ANKRD27: variants seen among roughly 807,000 people sequenced by gnomAD.
The protein encoded by ANKRD27 is ankyrin repeat domain-containing protein 27.
In ANKRD27, 112 loss-of-function variants were observed where a neutral mutation model predicts 129.7. That is an observed-to-expected ratio of 0.86 (90% confidence interval 0.74 to 1.01). The LOEUF is 1.01. ANKRD27 is among the 50% of genes least tolerant of loss of function. The pLI, the probability that ANKRD27 is intolerant of heterozygous loss-of-function variation, is 0.00. For missense variants in ANKRD27, 1,258 were observed against 1,300.5 expected, an observed-to-expected ratio of 0.97 and a Z score of 0.50; for synonymous variants, 516 against 511.2, an observed-to-expected ratio of 1.01 and a Z score of -0.13.
At chr19:32,626,093 A>T in intron 16 of ANKRD27, 127 bp from the exon 17 acceptor site, 1 of 623,714 alleles carries the variant, frequency 1.6e-6, no homozygotes, top group East Asian at 3.2e-5. Context: ...ATTCAAATTA[A>T]ACCAACACCC....
At chr19:32,615,588 A>C (rs1393347129) in intron 22 of ANKRD27, 70 bp downstream of exon 22, 45 of 1,610,986 alleles carry the variant, frequency 2.8e-5, no homozygotes, top group Non-Finnish European at 3.7e-5. Context: ...TGTCTCAAAA[A>C]ACAAAAACAA....
chr19:32,659,161 CAG>C (rs1967601440), intron 1 of ANKRD27, 116 bp from the exon 2 acceptor site: 5 of 549,806 alleles, frequency 9.1e-6, no homozygotes, highest in Non-Finnish European at 1.5e-5. Context: ...TTTTTTGAGA[CAG>C]AGTCTCACTC....
At chr19:32,623,589 G>C (rs991532039) in intron 17 of ANKRD27, among the ~76,000 whole-genome samples, 1 of 148,230 alleles carries the variant, frequency 6.7e-6, no homozygotes, top group African/African-American at 2.5e-5. Context: ...TCGCTCTGTC[G>C]CCTAGGCTGG....
intron 17 of ANKRD27, among the ~76,000 whole-genome samples, chr19:32,624,517 C>A (rs561419767): frequency 3.9e-5 from 6 of 152,176 alleles, no homozygotes; most frequent in Non-Finnish European, 7.3e-5. Context: ...AGGCCTGAGC[C>A]CCACACACGT....
intron 1 of ANKRD27, among the ~76,000 whole-genome samples, chr19:32,661,118 T>G (rs925055704): frequency 6.6e-6 from 1 of 151,388 alleles, no homozygotes; most frequent in Admixed American, 6.6e-5. Flanking sequence ...GGAGAATCAC[T>G]TGAGCCCAGG....
Position 32,617,704 on chromosome 19 carries a change from AT to A in ANKRD27, c.2008-72del. 4.8e-6 allele frequency: 3 copies of A among 619,376 alleles called. No individual in the cohort carries two copies. In the South Asian group the frequency reaches 5.9e-5, roughly 12 times the overall value. The allele number at this position is 619,376 out of a possible 1,614,324, so 38.4% of individuals were successfully genotyped here. Reference sequence around the variant, plus strand: ...AAATAATAATAGAAATAATATAAACATTCTGAAAATCTATTGGCTTGATTTG... The same window carrying A: ...AAATAATAATAGAAATAATATAAACATCTGAAAATCTATTGGCTTGATTTG... On this transcript the variant is annotated intron_variant, in intron 20 of 28. Transcript: ENST00000306065.
Position 32,602,109 on chromosome 19 carries a change from T to C in ANKRD27, c.2673A>G (p.Glu891=). Residue 891 remains glutamate, a synonymous_variant, in exon 26 of 29, where the codon GAA becomes GAG. Transcript: ENST00000306065. ...DCAEQNSKIM[E]LLQVVPSCVA... is the part of the protein sequence containing the mutation. ...CACAGCTTGGTACCACCTGAAGCAA[T>C]TCCATTATTTTTGAATTCTGCAATT... 1.2e-6 allele frequency: 2 copies of C among 1,611,264 alleles called. No homozygotes were observed. Among genetic ancestry groups the C allele is most frequent in the South Asian group, 1.1e-5 (1 of 90,496 alleles).
At chr19:32,644,668 G>A (rs1352004833) in intron 4 of ANKRD27, among the ~76,000 whole-genome samples, 189 bp from the exon 5 acceptor site, 1 of 152,168 alleles carries the variant, frequency 6.6e-6, no homozygotes, top group Non-Finnish European at 1.5e-5. Flanking sequence ...GCCTCTTCCT[G>A]GGACAAAACC....
intron 5 of ANKRD27, chr19:32,643,874 G>T (rs1967250439): frequency 5.6e-6 from 3 of 531,502 alleles, no homozygotes; most frequent in East Asian, 3.2e-5. Context: ...TTACCACTTG[G>T]TTTGTTTTTT....
intron 10 of ANKRD27, 114 bp downstream of exon 10, chr19:32,641,910 G>A: frequency 1.5e-6 from 2 of 1,297,302 alleles, no homozygotes; most frequent in Non-Finnish European, 1.0e-6. Flanking sequence ...TGGGGTTACA[G>A]AGGTGAGCCA....
At position 32,648,351 on chromosome 19, in the gene ANKRD27, C is replaced by A. The variant is rs142004925; in HGVS notation, c.213+1331G>T. 9.2e-5 allele frequency among the ~76,000 whole-genome samples: 14 copies of A among 152,136 alleles called. No individual in the cohort carries two copies. The East Asian group carries it at 2.5e-3, about 27-fold the overall frequency. ...AAAGATATAATTGGTATAATCAGCACAGTCTGTATGAGGACAATATGTTGG... is the reference window on the plus strand; with the variant it reads ...AAAGATATAATTGGTATAATCAGCAAAGTCTGTATGAGGACAATATGTTGG... On this transcript the variant is annotated intron_variant, in intron 3 of 28. Transcript: ENST00000306065.
rs765264134 is a variant in ANKRD27, at chr19:32,622,540, T to C, written c.1709A>G (p.His570Arg). Residue 570 changes from histidine to arginine, a missense_variant, in exon 18 of 29, where the codon CAC becomes CGC. Transcript: ENST00000306065. ...IGNEKGDTPL[H>R]IAARWGYQGV... ...TTGGTAGCCCCAGCGGGCAGCAATGTGTAGAGGGGTGTCTCCTTTCTCATT... is the reference window on the plus strand; with the variant it reads ...TTGGTAGCCCCAGCGGGCAGCAATGCGTAGAGGGGTGTCTCCTTTCTCATT... The C allele has an allele frequency of 6.2e-6, 10 of 1,614,040 alleles. No homozygotes were observed. The highest frequency in any genetic ancestry group is 1.3e-5 in the African/African-American group (1 of 74,928).
Position 32,639,385 on chromosome 19 carries a change from GA to G in ANKRD27, c.1086del (p.Arg363GlyfsTer25), listed in dbSNP as rs1568410416. 6.2e-7 allele frequency: 1 copy of G among 1,614,208 alleles called. No individual in the cohort carries two copies. Among genetic ancestry groups the G allele is most frequent in the Admixed American group, 1.7e-5 (1 of 60,014 alleles). On this transcript the variant is annotated frameshift_variant, in exon 12 of 29. Coordinates refer to ENST00000306065, the MANE Select transcript of ANKRD27 (RefSeq NM_032139.3). LOFTEE classifies it high-confidence loss of function. ...LTSFEAAIEY[I>X]RQGSLSAKPP... ...GGTTTAGCAGAGAGGCTTCCTTGCCGAATATATTCAATGGCAGCTTCGAATG... is the reference window on the plus strand; with the variant it reads ...GGTTTAGCAGAGAGGCTTCCTTGCCGATATATTCAATGGCAGCTTCGAATG...
intron 2 of ANKRD27, among the ~76,000 whole-genome samples, chr19:32,651,518 C>T (rs905304528): frequency 8.5e-5 from 13 of 152,258 alleles, no homozygotes; most frequent in South Asian, 2.1e-4. Context: ...TACAGGCGTC[C>T]GCCACCACAC....
intron 26 of ANKRD27, among the ~76,000 whole-genome samples, chr19:32,600,542 A>G (rs191419740): frequency 6.6e-6 from 1 of 152,144 alleles, no homozygotes; most frequent in Non-Finnish European, 1.5e-5. Context: ...CTCCATCTCA[A>G]AAAAAAGCTA....
intron 2 of ANKRD27, among the ~76,000 whole-genome samples, chr19:32,650,982 C>T (rs1023639956): frequency 1.3e-5 from 2 of 151,964 alleles, no homozygotes; most frequent in Non-Finnish European, 2.9e-5. Flanking sequence ...TGGCCTCAAG[C>T]GATCCTTCCA....
At chr19:32,636,123 A>G (rs541535249) in intron 12 of ANKRD27, 2 of 155,836 alleles carry the variant, frequency 1.3e-5, no homozygotes, top group East Asian at 1.8e-4. Flanking sequence ...GGATGTTAAC[A>G]CTGATTTACA....
In ANKRD27 at chr19:32,649,793, C is replaced by G. The variant is rs778091629; in HGVS notation, c.103-1G>C. On this transcript the variant is annotated splice_acceptor_variant, in intron 2 of 28. Coordinates refer to ENST00000306065, the MANE Select transcript of ANKRD27 (RefSeq NM_032139.3). LOFTEE classifies it high-confidence loss of function. The stretch of plus-strand genomic sequence containing the variant: ...GGCTTCCTTTGCAGGGTACTAAGAC[C>G]TGGAAAAAACAATTCGGGGCAACAT... 3.1e-6 allele frequency: 5 copies of G among 1,603,838 alleles called. No individual in the cohort carries two copies. The highest frequency in any genetic ancestry group is 4.3e-6 in the Non-Finnish European group (5 of 1,170,794).
chr19:32,648,925 C>T (rs1967356308), intron 3 of ANKRD27, among the ~76,000 whole-genome samples: 1 of 150,536 alleles, frequency 6.6e-6, no homozygotes. Context: ...TTTACTAAAA[C>T]ATTTGAAATT....
Sources: gnomAD v4.1 joint callset for allele counts (sites outside exome capture counted in the v4.1 genomes callset) on GRCh38, gnomAD v4.1.1 for gene constraint, MANE v1.5 for transcripts, NCBI Gene and HGNC (gene_info 2026-07-23, HGNC 2026-07-21) for gene names.